RUNX2: variants seen among roughly 807,000 people sequenced by gnomAD.
RUNX2 encodes the protein runt-related transcription factor 2.
A neutral mutation model predicts 51.7 loss-of-function variants in RUNX2; 10 were observed. That is an observed-to-expected ratio of 0.19 (90% CI 0.12 to 0.33). The LOEUF is 0.33. Ranked by LOEUF, RUNX2 falls within the 10% of genes least tolerant of loss-of-function variation. The pLI is 1.00. For missense variants in RUNX2, 562 were observed against 691.3 expected, an observed-to-expected ratio of 0.81 and a Z score of 2.10; for synonymous variants, 276 against 273.6, an observed-to-expected ratio of 1.01 and a Z score of -0.09.
rs150834148 is a variant in RUNX2, at chr6:45,442,602, T to C, written c.685+4551T>C. ...TTGTGCAGAGGATGGAAAAAGTAAA[T>C]AAGCTTACATAGGATACTTTAAATT... On this transcript the variant is annotated intron_variant, in intron 5 of 8. Coordinates refer to ENST00000647337, the MANE Select transcript of RUNX2 (RefSeq NM_001024630.4). Among the ~76,000 whole-genome samples, 323 of 152,340 alleles carry C rather than the reference T, an allele frequency of 2.1e-3. 1 individual carries two copies. The highest frequency in any genetic ancestry group is 7.4e-3 in the African/African-American group (309 of 41,588).
intron 2 of RUNX2, among the ~76,000 whole-genome samples, chr6:45,356,682 G>C (rs1368366823): frequency 6.6e-6 from 1 of 152,054 alleles, no homozygotes; most frequent in Non-Finnish European, 1.5e-5. Context: ...TGGGATTATA[G>C]GTGTGAGCCA....
Position 45,518,366 on chromosome 6 carries a change from G to C in RUNX2, c.1021+5959G>C, listed in dbSNP as rs12665523. On this transcript the variant is annotated intron_variant, in intron 7 of 8. Coordinates refer to ENST00000647337, the MANE Select transcript of RUNX2 (RefSeq NM_001024630.4). ...GATGGATTACTTTTGCATTCCATAAGTTGAAATTCATCTTGCTTTCCCTAA... is the reference window on the plus strand; with the variant it reads ...GATGGATTACTTTTGCATTCCATAACTTGAAATTCATCTTGCTTTCCCTAA... 2.6e-5 allele frequency among the ~76,000 whole-genome samples: 4 copies of C among 152,186 alleles called. No individual in the cohort carries two copies. The East Asian group carries it at 7.7e-4, about 29-fold the overall frequency.
intron 5 of RUNX2, among the ~76,000 whole-genome samples, chr6:45,456,381 T>C (rs942617221): frequency 1.3e-5 from 2 of 152,234 alleles, no homozygotes; most frequent in Non-Finnish European, 2.9e-5. Flanking sequence ...ATTTTGAAAA[T>C]TGATTTACAA....
chr6:45,524,214 C>A (rs1439518085), intron 7 of RUNX2, among the ~76,000 whole-genome samples: 1 of 152,006 alleles, frequency 6.6e-6, no homozygotes, highest in Non-Finnish European at 1.5e-5. Flanking sequence ...GACTATACTG[C>A]CTAAATTTTT....
chr6:45,498,515 A>C (rs1800711813), intron 6 of RUNX2, among the ~76,000 whole-genome samples: 1 of 152,230 alleles, frequency 6.6e-6, no homozygotes, highest in South Asian at 2.1e-4. Context: ...CATGAACGGG[A>C]GTTAGCATTA....
intron 7 of RUNX2, among the ~76,000 whole-genome samples, chr6:45,526,036 G>A (rs1801667528): frequency 6.6e-6 from 1 of 151,614 alleles, no homozygotes; most frequent in Admixed American, 6.6e-5. Flanking sequence ...TAACACTAAA[G>A]GCTAATATAG....
Position 45,438,250 on chromosome 6 carries a change from G to A in RUNX2, c.685+199G>A, listed in dbSNP as rs184620085. Among the ~76,000 whole-genome samples, 16 of 152,242 alleles carry A rather than the reference G, an allele frequency of 1.1e-4. No homozygotes were observed. The East Asian group carries it at 3.1e-3, about 29-fold the overall frequency. On this transcript the variant is annotated intron_variant, in intron 5 of 8. Coordinates refer to ENST00000647337, the MANE Select transcript of RUNX2 (RefSeq NM_001024630.4). ...AAATAAAACTACGGTTTTAACCTTT[G>A]CCACACAATCACTAAGGCCTCCGTA...
Position 45,519,788 on chromosome 6 carries a change from ATATGTGTGTGTGTGTG to A in RUNX2, c.1021+7383_1021+7398del, listed in dbSNP as rs1801442391. 5.0e-5 allele frequency among the ~76,000 whole-genome samples: 6 copies of A among 118,848 alleles called. No homozygotes were observed. The Admixed American group carries it at 5.3e-4, about 10-fold the overall frequency. 78.0% of individuals were successfully genotyped at this position (118,848 alleles called of 152,430 possible). On this transcript the variant is annotated intron_variant, in intron 7 of 8. Coordinates refer to ENST00000647337, the MANE Select transcript of RUNX2 (RefSeq NM_001024630.4). ...GAAGGATGCTATTATATATATATAT[ATATGTGTGTGTGTGTG>A]TGTGTGTGTGTGTGTGTGTGTGTGT...
chr6:45,463,296 A>G (rs1363384075), intron 5 of RUNX2, among the ~76,000 whole-genome samples: 4 of 152,244 alleles, frequency 2.6e-5, no homozygotes, highest in African/African-American at 9.6e-5. Flanking sequence ...AGTCTGTACA[A>G]GGAGGCATTT....
intron 7 of RUNX2, among the ~76,000 whole-genome samples, chr6:45,535,420 C>A (rs570899622): frequency 6.6e-6 from 1 of 151,818 alleles, no homozygotes; most frequent in African/African-American, 2.4e-5. Flanking sequence ...CTGGCTAACA[C>A]GGTGAAACCC....
intron 2 of RUNX2, among the ~76,000 whole-genome samples, chr6:45,370,001 C>T (rs1392426002): frequency 6.6e-6 from 1 of 151,992 alleles, no homozygotes; most frequent in East Asian, 1.9e-4. Flanking sequence ...AGCCTTTAGG[C>T]CACAGGAGTT....
chr6:45,497,061 T>C (rs1800669744), intron 6 of RUNX2, among the ~76,000 whole-genome samples: 1 of 151,844 alleles, frequency 6.6e-6, no homozygotes, highest in South Asian at 2.1e-4. Context: ...AGAGAAGCAG[T>C]TGGGTGGAGA....
chr6:45,504,447 T>G (rs977339420), intron 6 of RUNX2, among the ~76,000 whole-genome samples: 3 of 152,198 alleles, frequency 2.0e-5, no homozygotes, highest in African/African-American at 7.2e-5. Context: ...GCACAGTTAG[T>G]GCCAGAGCCT....
chr6:45,474,373 ATGTGTGTG>A (rs56719456), intron 5 of RUNX2, among the ~76,000 whole-genome samples: 4,609 of 149,494 alleles, frequency 0.031, 201 homozygotes, highest in African/African-American at 0.11. Flanking sequence ...TGTTTTATAT[ATGTGTGTG>A]TGTGTGTGTG....
chr6:45,486,077 A>G (rs1007022264), intron 5 of RUNX2, among the ~76,000 whole-genome samples: 4 of 152,098 alleles, frequency 2.6e-5, no homozygotes, highest in Admixed American at 6.5e-5. Flanking sequence ...ACTGGTTGCC[A>G]TGATATTTAA....
intron 2 of RUNX2, among the ~76,000 whole-genome samples, chr6:45,402,008 T>G (rs1797720890): frequency 6.6e-6 from 1 of 152,338 alleles, no homozygotes; most frequent in African/African-American, 2.4e-5. Context: ...AAACGTCCCA[T>G]TCGACATCGT....
intron 6 of RUNX2, among the ~76,000 whole-genome samples, chr6:45,496,317 C>G (rs145581772): frequency 1.8e-3 from 280 of 152,104 alleles, no homozygotes; most frequent in African/African-American, 6.4e-3. Flanking sequence ...TTCACTCATT[C>G]AAAAAATACT....
chr6:45,340,454 G>GCTTGGACTACAGGCACGCACCAC (rs1789533344), intron 2 of RUNX2, among the ~76,000 whole-genome samples: 1 of 151,946 alleles, frequency 6.6e-6, no homozygotes, highest in Admixed American at 6.6e-5. Context: ...ATCCCAGGTA[G>GCTTGGACTACAGGCACGCACCAC]CTTGGACTAC....
chr6:45,400,275 C>T (rs1797684893), intron 2 of RUNX2, among the ~76,000 whole-genome samples: 1 of 151,906 alleles, frequency 6.6e-6, no homozygotes, highest in African/African-American at 2.4e-5. Context: ...ATTAGAGAGG[C>T]GTGAGGGAAG....
Sources: gnomAD v4.1 joint callset for allele counts (sites outside exome capture counted in the v4.1 genomes callset) on GRCh38, gnomAD v4.1.1 for gene constraint, MANE v1.5 for transcripts, NCBI Gene and HGNC (gene_info 2026-07-23, HGNC 2026-07-21) for gene names.